ROBO2: variants seen among roughly 807,000 people sequenced by gnomAD.
ROBO2 encodes roundabout guidance receptor 2.
In ROBO2, 53 loss-of-function variants were observed where a neutral mutation model predicts 160.8. The observed-to-expected ratio is 0.33, with a 90% CI of 0.26 to 0.41. The LOEUF is 0.41. Ranked by LOEUF, ROBO2 falls within the 10% of genes least tolerant of loss-of-function variation. The probability of loss-of-function intolerance (pLI) is 1.00; values close to 1 mark genes in which losing one functional copy is unlikely to be tolerated. For missense variants in ROBO2, 1,577 were observed against 1,722.4 expected (o/e 0.92, Z 1.49); for synonymous variants, 664 against 611.7 (o/e 1.09, Z -1.26).
At chr3:76,663,890 C>T (rs1334463273) in intron 2 of ROBO2, among the ~76,000 whole-genome samples, 3 of 150,110 alleles carry the variant, frequency 2.0e-5, no homozygotes, top group African/African-American at 4.9e-5. Flanking sequence ...GCAACAAGAG[C>T]GAAACTCCAT....
rs1038364667 is a variant in ROBO2 at position 77,045,366 on chromosome 3, G to A, written c.61+4520G>A. Among the ~76,000 whole-genome samples, 3 of 152,056 alleles carry A rather than the reference G, an allele frequency of 2.0e-5. No individual in the cohort carries two copies. The South Asian group carries it at 6.2e-4, about 31-fold the overall frequency. On this transcript the variant is annotated intron_variant, in intron 1 of 25. Transcript: ENST00000461745. ...AGGCTCTTTCATCTAATCACATGAG[G>A]TTTAAATACATGTTTGGATTGATAA...
At chr3:77,357,389 T>G (rs1387513591) in intron 2 of ROBO2, among the ~76,000 whole-genome samples, 1 of 152,176 alleles carries the variant, frequency 6.6e-6, no homozygotes, top group Non-Finnish European at 1.5e-5. Flanking sequence ...CCCTCTGTCC[T>G]GAGTATTCTC....
intron 2 of ROBO2, among the ~76,000 whole-genome samples, chr3:76,800,998 T>C (rs534970157): frequency 6.6e-6 from 1 of 152,302 alleles, no homozygotes; most frequent in East Asian, 1.9e-4. Flanking sequence ...GGAATTAACC[T>C]AAGTGTGCAT....
intron 5 of ROBO2, among the ~76,000 whole-genome samples, chr3:77,504,860 G>A (rs55717045): frequency 0.12 from 18,658 of 152,076 alleles, 1,185 homozygotes; most frequent in East Asian, 0.21. Flanking sequence ...TATGGCTTCA[G>A]AAAATAAAAG....
At chr3:77,208,460 A>G (rs1217513049) in intron 2 of ROBO2, among the ~76,000 whole-genome samples, 1 of 152,198 alleles carries the variant, frequency 6.6e-6, no homozygotes, top group Non-Finnish European at 1.5e-5. Flanking sequence ...ACAAGCCGGC[A>G]TGGTCAATAG....
intron 2 of ROBO2, among the ~76,000 whole-genome samples, chr3:76,313,007 A>G (rs1226032455): frequency 1.3e-5 from 2 of 152,170 alleles, no homozygotes; most frequent in East Asian, 1.9e-4. Flanking sequence ...ACTTTTTCCA[A>G]TGTACTCTAA....
At chr3:77,124,477 A>T (rs535117349) in intron 2 of ROBO2, among the ~76,000 whole-genome samples, 1 of 152,322 alleles carries the variant, frequency 6.6e-6, no homozygotes, top group African/African-American at 2.4e-5. Flanking sequence ...TGCCAGGCAT[A>T]GATATTTCGA....
intron 2 of ROBO2, among the ~76,000 whole-genome samples, chr3:75,981,574 C>G (rs951350835): frequency 1.8e-5 from 1 of 57,024 alleles, no homozygotes; most frequent in Non-Finnish European, 5.0e-5. Flanking sequence ...TACACAAGTA[C>G]TGTAACAAAC....
intron 2 of ROBO2, among the ~76,000 whole-genome samples, chr3:76,398,153 T>C (rs368389018): frequency 0.049 from 7,485 of 152,016 alleles, 221 homozygotes; most frequent in Non-Finnish European, 0.067. Flanking sequence ...CCATAAAAAA[T>C]GATGAGTTCA....
chr3:75,924,467 T>C (rs1300423105), intron 1 of ROBO2, among the ~76,000 whole-genome samples: 2 of 151,940 alleles, frequency 1.3e-5, no homozygotes, highest in Non-Finnish European at 2.9e-5. Flanking sequence ...AAATATAGAC[T>C]TGATGATAAC....
At chr3:77,321,468 G>A (rs1581042363) in intron 2 of ROBO2, among the ~76,000 whole-genome samples, 1 of 152,014 alleles carries the variant, frequency 6.6e-6, no homozygotes, top group South Asian at 2.1e-4. Flanking sequence ...AGTGAGCTGT[G>A]ATTATGCCAC....
At chr3:76,257,382 A>G (rs1349618946) in intron 2 of ROBO2, among the ~76,000 whole-genome samples, 2 of 152,120 alleles carry the variant, frequency 1.3e-5, no homozygotes. Context: ...TTTATTTTCT[A>G]TAATATCTAC....
Position 76,936,609 on chromosome 3 carries a change from C to G in ROBO2, c.110-161405C>G, listed in dbSNP as rs78017320. ...GCCAACACATTACAATTACCACTAA[C>G]ATGTTAACCTTAGTAGGTTTTCTTT... is the stretch of plus-strand genomic sequence containing the variant. On this transcript the variant is annotated intron_variant, in intron 2 of 26. Coordinates refer to the ROBO2 transcript ENST00000487694. Among the ~76,000 whole-genome samples the G allele has an allele frequency of 8.3e-3, 1,265 of 151,678 alleles. 14 individuals are homozygous for G. Among genetic ancestry groups the G allele is most frequent in the African/African-American group, 0.029 (1,192 of 41,266 alleles).
intron 2 of ROBO2, among the ~76,000 whole-genome samples, chr3:77,400,665 A>G (rs1162815323): frequency 1.3e-5 from 2 of 152,166 alleles, no homozygotes; most frequent in Non-Finnish European, 2.9e-5. Flanking sequence ...ATTGCCTTGT[A>G]ATCGTTCAAG....
rs908000554 is a variant in ROBO2, at chr3:76,421,328, G to A, written c.109+483726G>A. ...ACTGCAATTGCTGAAAACAATAGCC[G>A]AAAAAAGGTTCAACATGCCTATTGA... On this transcript the variant is annotated intron_variant, in intron 2 of 26. Coordinates refer to the ROBO2 transcript ENST00000487694. Among the ~76,000 whole-genome samples the A allele has an allele frequency of 5.3e-5, 8 of 152,134 alleles. No homozygotes were observed. In the East Asian group the frequency reaches 7.7e-4, roughly 15 times the overall value.
intron 2 of ROBO2, among the ~76,000 whole-genome samples, chr3:76,403,466 C>A (rs1040679415): frequency 2.6e-5 from 4 of 151,554 alleles, no homozygotes; most frequent in African/African-American, 7.3e-5. Context: ...GTTGTTAGAA[C>A]AATTTCTGGT....
chr3:76,992,975 G>A (rs1241172795), intron 2 of ROBO2, among the ~76,000 whole-genome samples: 6 of 151,746 alleles, frequency 4.0e-5, no homozygotes, highest in Admixed American at 3.9e-4. Flanking sequence ...TCACCATCGC[G>A]CCTGGACAAT....
At chr3:77,155,593 G>A (rs2150566267) in intron 2 of ROBO2, among the ~76,000 whole-genome samples, 1 of 152,136 alleles carries the variant, frequency 6.6e-6, no homozygotes, top group South Asian at 2.1e-4. Flanking sequence ...TGATAAATGT[G>A]TTGTTTAAGC....
intron 2 of ROBO2, among the ~76,000 whole-genome samples, chr3:76,239,760 G>A (rs1270249778): frequency 6.6e-6 from 1 of 152,138 alleles, no homozygotes; most frequent in African/African-American, 2.4e-5. Flanking sequence ...ATAACAAATG[G>A]TTTTTGTAAA....
Sources: allele counts gnomAD v4.1 joint callset (sites outside exome capture counted in the v4.1 genomes callset), GRCh38; gene constraint gnomAD v4.1.1; transcripts MANE v1.5; gene names NCBI Gene and HGNC (gene_info 2026-07-23, HGNC 2026-07-21).